Variants in RBFOX1 observed in about 807,000 individuals in gnomAD.
RBFOX1 encodes RNA binding fox-1 homolog 1.
Under a neutral mutation model 57.7 loss-of-function variants are expected in RBFOX1, and 8 were observed. The ratio of observed to expected loss-of-function variants is 0.14; its 90% confidence interval spans 0.08 to 0.25. The LOEUF is 0.25. RBFOX1 is among the 10% of genes least tolerant of loss of function. The probability of loss-of-function intolerance (pLI) is 1.00; values close to 1 mark genes in which losing one functional copy is unlikely to be tolerated. For missense variants in RBFOX1, 611 were observed against 548.5 expected (o/e 1.11, Z -1.14); for synonymous variants, 326 against 222.4 (o/e 1.47, Z -4.15).
intron 3 of RBFOX1, among the ~76,000 whole-genome samples, chr16:6,714,156 C>G (rs906776307): frequency 6.6e-5 from 10 of 152,300 alleles, no homozygotes; most frequent in African/African-American, 2.4e-4. Flanking sequence ...CGCTCTCTCT[C>G]TCACCTGCCA....
chr16:5,929,238 G>T (rs2058998389), intron 4 of RBFOX1, among the ~76,000 whole-genome samples: 1 of 152,002 alleles, frequency 6.6e-6, no homozygotes. Context: ...ACTTTCTAAG[G>T]GGTCTCTGAG....
rs145312019 is a variant in RBFOX1, at chr16:6,864,267, C to A, written c.-15-187790C>A. On this transcript the variant is annotated intron_variant, in intron 3 of 15. Coordinates refer to ENST00000550418, the MANE Select transcript of RBFOX1 (RefSeq NM_018723.4). ...AGCATAACTCTTCCACATTTAGACACGTTCAAAAATAAGAAATTAGAGAAC... is the reference window on the plus strand; with the variant it reads ...AGCATAACTCTTCCACATTTAGACAAGTTCAAAAATAAGAAATTAGAGAAC... 5.9e-5 allele frequency among the ~76,000 whole-genome samples: 9 copies of A among 152,218 alleles called. No individual in the cohort carries two copies. In the East Asian group the frequency reaches 1.7e-3, roughly 29 times the overall value.
intron 3 of RBFOX1, among the ~76,000 whole-genome samples, chr16:6,998,750 T>G (rs1288214516): frequency 6.6e-6 from 1 of 152,170 alleles, no homozygotes; most frequent in Non-Finnish European, 1.5e-5. Flanking sequence ...TCAGGCTCTC[T>G]TGAGAGAGTA....
Position 5,565,099 on chromosome 16 carries a change from G to A in RBFOX1, c.259-33803G>A, listed in dbSNP as rs560206458. On this transcript the variant is annotated intron_variant, in intron 2 of 2. Transcript: ENST00000585867. ...GAGGATGTCAAGAAAATGGGAACAC[G>A]TGGGGTTTGTTACCATGGCTGCAGC... Among the ~76,000 whole-genome samples, 8 of 152,318 alleles carry A rather than the reference G, an allele frequency of 5.3e-5. No homozygotes were observed. In the South Asian group the frequency reaches 8.3e-4, roughly 16 times the overall value.
At chr16:6,327,373 T>C (rs141317521) in intron 2 of RBFOX1, among the ~76,000 whole-genome samples, 1 of 152,264 alleles carries the variant, frequency 6.6e-6, no homozygotes, top group Non-Finnish European at 1.5e-5. Context: ...AGTTAATTAC[T>C]TAGCACCTAT....
intron 14 of RBFOX1, among the ~76,000 whole-genome samples, chr16:7,680,274 C>CA (rs1481130233): frequency 6.6e-6 from 1 of 152,212 alleles, no homozygotes; most frequent in South Asian, 2.1e-4. Context: ...CTGGGAGGTG[C>CA]GGAGGGGGTG....
intron 4 of RBFOX1, among the ~76,000 whole-genome samples, chr16:7,146,650 C>T (rs377382530): frequency 2.9e-4 from 44 of 152,156 alleles, no homozygotes; most frequent in African/African-American, 1.0e-3. Flanking sequence ...CAGCAGATAA[C>T]GTAAAAATAA....
chr16:7,362,959 C>G (rs2097358400), intron 4 of RBFOX1, among the ~76,000 whole-genome samples: 1 of 152,136 alleles, frequency 6.6e-6, no homozygotes, highest in African/African-American at 2.4e-5. Context: ...CACTTAGCCT[C>G]TCTGAGCTTT....
chr16:6,037,974 T>G (rs2095388535), intron 1 of RBFOX1: 1 of 152,116 alleles, frequency 6.6e-6, no homozygotes, highest in Non-Finnish European at 1.5e-5. Context: ...TTGTGAGGAC[T>G]CTTTAGGTCT....
chr16:7,454,012 T>A (rs1484107890), intron 4 of RBFOX1, among the ~76,000 whole-genome samples: 1 of 152,132 alleles, frequency 6.6e-6, no homozygotes, highest in African/African-American at 2.4e-5. Flanking sequence ...ACGGGTGGAT[T>A]GCCTGAGGTC....
intron 3 of RBFOX1, among the ~76,000 whole-genome samples, chr16:6,811,037 G>A (rs913064119): frequency 2.0e-5 from 3 of 152,164 alleles, no homozygotes; most frequent in Non-Finnish European, 4.4e-5. Context: ...CAGAAAAACT[G>A]ATGATGATAA....
At chr16:6,378,918 T>C (rs561722788) in intron 2 of RBFOX1, among the ~76,000 whole-genome samples, 2 of 152,144 alleles carry the variant, frequency 1.3e-5, no homozygotes, top group East Asian at 3.9e-4. Flanking sequence ...AAGGGTGGAA[T>C]TGGTAGCACT....
intron 3 of RBFOX1, among the ~76,000 whole-genome samples, chr16:6,825,533 T>C (rs904958223): frequency 5.9e-5 from 9 of 152,142 alleles, no homozygotes; most frequent in African/African-American, 1.4e-4. Flanking sequence ...GAACAGTCTT[T>C]TGATATTGAA....
chr16:5,864,998 C>G lies in RBFOX1; in HGVS notation c.319-2305C>G, dbSNP rs371847750. Among the ~76,000 whole-genome samples, 11 of 152,268 alleles carry G rather than the reference C, an allele frequency of 7.2e-5. No individual in the cohort carries two copies. In the East Asian group the frequency reaches 2.1e-3, roughly 29 times the overall value. The stretch of plus-strand genomic sequence containing the variant: ...TATGCCTTTTTATGTTTGTATTTCC[C>G]TATGGTAGATGCGAGAAGTGGCTTC... On this transcript the variant is annotated intron_variant, in intron 3 of 19. Coordinates refer to the RBFOX1 transcript ENST00000641259.
intron 5 of RBFOX1, among the ~76,000 whole-genome samples, chr16:7,535,706 C>A (rs1193150126): frequency 6.6e-6 from 1 of 152,200 alleles, no homozygotes; most frequent in African/African-American, 2.4e-5. Context: ...ACTTACTGAA[C>A]TCCTACTATG....
chr16:7,357,965 G>A (rs938775577), intron 4 of RBFOX1, among the ~76,000 whole-genome samples: 1 of 152,048 alleles, frequency 6.6e-6, no homozygotes, highest in Non-Finnish European at 1.5e-5. Flanking sequence ...TAATAGGGAG[G>A]GTTACTTTCA....
At chr16:6,733,902 T>C (rs974444584) in intron 3 of RBFOX1, among the ~76,000 whole-genome samples, 2 of 152,242 alleles carry the variant, frequency 1.3e-5, no homozygotes. Flanking sequence ...GTCAGCGCTA[T>C]GCTGTACAGG....
chr16:6,200,594 C>T (rs557223851), intron 1 of RBFOX1, among the ~76,000 whole-genome samples: 1 of 152,284 alleles, frequency 6.6e-6, no homozygotes, highest in African/African-American at 2.4e-5. Flanking sequence ...AAAGTTTCAT[C>T]AGTGACACAT....
intron 3 of RBFOX1, among the ~76,000 whole-genome samples, chr16:6,784,985 A>G (rs186099372): frequency 2.9e-4 from 44 of 152,248 alleles, no homozygotes; most frequent in African/African-American, 1.1e-3. Context: ...TTCCTTGGGT[A>G]AACTCATGGT....
Sources: gnomAD v4.1 joint callset for allele counts (sites outside exome capture counted in the v4.1 genomes callset) on GRCh38, gnomAD v4.1.1 for gene constraint, MANE v1.5 for transcripts, NCBI Gene and HGNC (gene_info 2026-07-23, HGNC 2026-07-21) for gene names.